The following KCNH1 variants were observed in gnomAD, a reference collection of about 807,000 sequenced individuals.
KCNH1 encodes the protein potassium voltage-gated channel subfamily H member 1.
Under a neutral mutation model 69.2 loss-of-function variants are expected in KCNH1, and 27 were observed. That is an observed-to-expected ratio of 0.39 (90% CI 0.29 to 0.54). The LOEUF (loss-of-function observed/expected upper bound fraction) is 0.54. Among genes scored for constraint, KCNH1 ranks in the 20% least tolerant of loss-of-function variants. KCNH1 has a pLI of 0.68. For synonymous variants in KCNH1, 456 were observed against 487.7 expected (o/e 0.93, Z 0.86); for missense variants, 798 against 1,261.6 (o/e 0.63, Z 5.57).
At chr1:210,733,947 TCTCACACACACACACACA>T (rs1400308181) in intron 10 of KCNH1, among the ~76,000 whole-genome samples, 2 of 142,194 alleles carry the variant, frequency 1.4e-5, no homozygotes, top group Admixed American at 7.1e-5. Context: ...TGTCTGTCTG[TCTCACACACACACACACA>T]CACACACACA....
chr1:211,076,081 A>G (rs1690727571), intron 5 of KCNH1, among the ~76,000 whole-genome samples: 1 of 152,244 alleles, frequency 6.6e-6, no homozygotes, highest in Non-Finnish European at 1.5e-5. Context: ...CAGCTGGGGA[A>G]GCTTGAACTG....
At chr1:210,926,611 G>A (rs1022028656) in intron 6 of KCNH1, among the ~76,000 whole-genome samples, 5 of 152,108 alleles carry the variant, frequency 3.3e-5, no homozygotes, top group Non-Finnish European at 7.3e-5. Context: ...AAACCCAAAT[G>A]AGAAGGAACC....
At position 211,134,045 on chromosome 1, in the gene KCNH1, C is replaced by A. The variant is rs1264927746; in HGVS notation, c.-100G>T. 3 of 1,009,784 alleles carry A rather than the reference C, an allele frequency of 3.0e-6. No homozygotes were observed. The highest frequency in any genetic ancestry group is 3.0e-6 in the Non-Finnish European group (2 of 667,616). 62.6% of individuals were successfully genotyped at this position (1,009,784 alleles called of 1,614,324 possible). A position where few individuals can be genotyped will look rare whatever the true frequency, so the allele number is the denominator to read the frequency against. On this transcript the variant is annotated 5_prime_UTR_variant, in exon 1 of 11. Transcript: ENST00000271751. The surrounding 1 kb of genome is among the most constrained non-coding windows in gnomAD (Gnocchi z 5.7). Reference sequence around the variant, plus strand: ...CGCACGCAGTCCCGGCTCGAAGCGCCCCATGCGCCCGGCGGGGATCCGCAG... The same window carrying A: ...CGCACGCAGTCCCGGCTCGAAGCGCACCATGCGCCCGGCGGGGATCCGCAG...
chr1:210,806,345 G>T (rs1255665930), intron 7 of KCNH1, among the ~76,000 whole-genome samples: 1 of 151,808 alleles, frequency 6.6e-6, no homozygotes, highest in Non-Finnish European at 1.5e-5. Flanking sequence ...TGTGCTTATT[G>T]GTCATTTATA....
At position 210,896,297 on chromosome 1, in the gene KCNH1, T is replaced by TA. The variant is rs550260533; in HGVS notation, c.1462+23342dup. Among the ~76,000 whole-genome samples the TA allele has an allele frequency of 9.8e-3, 1,439 of 147,434 alleles. 25 individuals carry two copies. The highest frequency in any genetic ancestry group is 0.032 in the African/African-American group (1,303 of 40,412). ...TGGTGTCATCAATGTACGGGATCTT[T>TA]AAAAAAAAAAATGTTACTGACAAAC... On this transcript the variant is annotated intron_variant, in intron 7 of 10. Coordinates refer to ENST00000271751, the MANE Select transcript of KCNH1 (RefSeq NM_172362.3).
At chr1:210,827,024 A>G (rs915013379) in intron 7 of KCNH1, among the ~76,000 whole-genome samples, 4 of 152,374 alleles carry the variant, frequency 2.6e-5, no homozygotes, top group South Asian at 2.1e-4. Flanking sequence ...TTTCATAACT[A>G]TAATTCCAAC....
At chr1:210,772,016 C>A (rs892616405) in intron 10 of KCNH1, among the ~76,000 whole-genome samples, 7 of 152,144 alleles carry the variant, frequency 4.6e-5, no homozygotes, top group Admixed American at 2.6e-4. Context: ...GATGTTCATA[C>A]CCTTGGATTT....
intron 6 of KCNH1, among the ~76,000 whole-genome samples, chr1:210,930,294 G>A (rs1404834126): frequency 6.6e-6 from 1 of 152,084 alleles, no homozygotes; most frequent in Non-Finnish European, 1.5e-5. Context: ...TATATTATAA[G>A]GCCATCGTCA....
chr1:210,695,755 T>TATC (rs35703806), intron 10 of KCNH1, among the ~76,000 whole-genome samples: 94,840 of 151,826 alleles, frequency 0.62, 30,708 homozygotes, highest in African/African-American at 0.79. Flanking sequence ...ACAAGAGAAA[T>TATC]ATGAGGATGA....
intron 6 of KCNH1, among the ~76,000 whole-genome samples, chr1:211,017,342 A>C (rs1278798452): frequency 1.3e-5 from 2 of 152,210 alleles, no homozygotes; most frequent in Non-Finnish European, 2.9e-5. Context: ...ATATCCCGGC[A>C]GGGAGCAAGC....
intron 10 of KCNH1, among the ~76,000 whole-genome samples, chr1:210,711,520 A>AT (rs1158726953): frequency 6.6e-6 from 1 of 152,156 alleles, no homozygotes; most frequent in Non-Finnish European, 1.5e-5. Flanking sequence ...GGTGTCTTAC[A>AT]TGCTGTTCCT....
intron 3 of KCNH1, among the ~76,000 whole-genome samples, chr1:211,097,939 T>C (rs968451156): frequency 6.6e-6 from 1 of 152,232 alleles, no homozygotes; most frequent in Non-Finnish European, 1.5e-5. Context: ...ATTTTCTTGT[T>C]TGAAAAATTG....
At position 210,681,953 on chromosome 1, in the gene KCNH1, C is replaced by T. The variant is rs1161685597; in HGVS notation, c.*1328G>A. On this transcript the variant is annotated 3_prime_UTR_variant, in exon 11 of 11. Transcript: ENST00000271751. The stretch of plus-strand genomic sequence containing the variant: ...CACATGAATAACCTGACTTAGGTGA[C>T]CATGAGGCAGTGAAGTGTCCCCGAG... 1 of 152,188 alleles carries T rather than the reference C, an allele frequency of 6.6e-6. No homozygotes were observed. The highest frequency in any genetic ancestry group is 1.9e-4 in the East Asian group (1 of 5,172). The allele number at this position is 152,188 out of a possible 1,614,324, so 9.4% of individuals were successfully genotyped here.
At chr1:210,981,432 T>C (rs1315572584) in intron 6 of KCNH1, among the ~76,000 whole-genome samples, 1 of 145,048 alleles carries the variant, frequency 6.9e-6, no homozygotes, top group African/African-American at 2.5e-5. Flanking sequence ...TGAAGAAAAT[T>C]ACCAACATGA....
At chr1:210,917,229 G>GAC (rs1553359735) in intron 7 of KCNH1, among the ~76,000 whole-genome samples, 5 of 78,870 alleles carry the variant, frequency 6.3e-5, no homozygotes, top group Middle Eastern at 6.9e-3. Context: ...GAGAGAGAGA[G>GAC]AGAAAGAAAG....
Position 210,844,811 on chromosome 1 carries a change from C to T in KCNH1, c.1463-40645G>A, listed in dbSNP as rs568123364. 2.6e-5 allele frequency among the ~76,000 whole-genome samples: 4 copies of T among 152,076 alleles called. No homozygotes were observed. The South Asian group carries it at 8.3e-4, about 32-fold the overall frequency. On this transcript the variant is annotated intron_variant, in intron 7 of 10. Transcript: ENST00000271751. The stretch of plus-strand genomic sequence containing the variant: ...GAAGCTGGTTTTTTGAAAAGATCAA[C>T]AAAATTGATAGATCGCTAGCAAGAC...
At chr1:211,077,525 G>A (rs745722517) in intron 5 of KCNH1, among the ~76,000 whole-genome samples, 1 of 152,064 alleles carries the variant, frequency 6.6e-6, no homozygotes, top group Non-Finnish European at 1.5e-5. Flanking sequence ...ATAAGCAAAG[G>A]ATAAATAAAA....
chr1:210,834,524 G>A (rs1246905714), intron 7 of KCNH1, among the ~76,000 whole-genome samples: 1 of 113,440 alleles, frequency 8.8e-6, no homozygotes, highest in Non-Finnish European at 1.8e-5. Flanking sequence ...TCAAACTCTG[G>A]GGACTGTTGT....
chr1:210,754,875 C>G (rs1338266715), intron 10 of KCNH1, among the ~76,000 whole-genome samples: 1 of 150,100 alleles, frequency 6.7e-6, no homozygotes, highest in Non-Finnish European at 1.5e-5. Flanking sequence ...CACACACACA[C>G]ACACAGACAC....
Sources: gnomAD v4.1 joint callset for allele counts (sites outside exome capture counted in the v4.1 genomes callset) on GRCh38, gnomAD v4.1.1 for gene constraint, Gnocchi (gnomAD v3.1) non-coding constraint, MANE v1.5 for transcripts, NCBI Gene and HGNC (gene_info 2026-07-23, HGNC 2026-07-21) for gene names.